Variants in PNLIP observed in about 807,000 individuals in gnomAD.
PNLIP encodes pancreatic lipase.
A neutral mutation model predicts 57.1 loss-of-function variants in PNLIP; 49 were observed. The observed-to-expected ratio is 0.86, with a 90% CI of 0.68 to 1.09. PNLIP has a LOEUF of 1.09. PNLIP is among the 50% of genes least tolerant of loss of function. PNLIP has a pLI of 0.00. For missense variants in PNLIP, 503 were observed against 570.2 expected, an observed-to-expected ratio of 0.88 and a Z score of 1.20; for synonymous variants, 209 against 200.4, an observed-to-expected ratio of 1.04 and a Z score of -0.36.
rs369658373 is a variant in PNLIP, at chr10:116,552,030, C to T, written c.459+798C>T. Among the ~76,000 whole-genome samples, 34 of 152,252 alleles carry T rather than the reference C, an allele frequency of 2.2e-4. No individual in the cohort carries two copies. The East Asian group carries it at 3.3e-3, about 15-fold the overall frequency. On this transcript the variant is annotated intron_variant, in intron 5 of 12. Transcript: ENST00000369221. ...TAAAAAATTCCTATTGCCTTGTGAC[C>T]TATAGCTATCATGATACCACAGCAC...
At chr10:116,550,132 C>T (rs1847175273) in intron 4 of PNLIP, among the ~76,000 whole-genome samples, 2 of 142,756 alleles carry the variant, frequency 1.4e-5, no homozygotes, top group Admixed American at 1.5e-4. Flanking sequence ...GATCTTGGCT[C>T]ACTGCAAGCT....
At chr10:116,554,852 T>C (rs907120003) in intron 6 of PNLIP, among the ~76,000 whole-genome samples, 1 of 152,170 alleles carries the variant, frequency 6.6e-6, no homozygotes, top group Admixed American at 6.5e-5. Context: ...CCAAGGTCCT[T>C]GCCCTTGTGG....
At chr10:116,563,263 C>A (rs1847332894) in intron 12 of PNLIP, among the ~76,000 whole-genome samples, 1 of 151,920 alleles carries the variant, frequency 6.6e-6, no homozygotes, top group Non-Finnish European at 1.5e-5. Context: ...ATTATATGTA[C>A]CAGTTGAGCA....
chr10:116,554,134 T>C (rs1847226349), intron 6 of PNLIP, among the ~76,000 whole-genome samples: 1 of 152,150 alleles, frequency 6.6e-6, no homozygotes, highest in Admixed American at 6.5e-5. Context: ...GATACCAATC[T>C]TTGGTCTACA....
In PNLIP at chr10:116,554,894, C is replaced by T. The variant is rs115691929; in HGVS notation, c.572-284C>T. 2.8e-3 allele frequency among the ~76,000 whole-genome samples: 426 copies of T among 152,220 alleles called. 2 individuals carry two copies. The highest frequency in any genetic ancestry group is 9.7e-3 in the African/African-American group (404 of 41,540). ...ACAGTCTAATGGGGACTATTTTAAC[C>T]CTGCGTGGTTTTTAGTCCAGTGTGT... On this transcript the variant is annotated intron_variant, in intron 6 of 12. Transcript: ENST00000369221.
intron 2 of PNLIP, among the ~76,000 whole-genome samples, chr10:116,546,579 C>T (rs1847127843): frequency 2.0e-5 from 3 of 152,092 alleles, no homozygotes; most frequent in Admixed American, 1.3e-4. Context: ...TGGGGAGAGT[C>T]GGATTCCCCA....
At chr10:116,554,691 G>T (rs1177806961) in intron 6 of PNLIP, among the ~76,000 whole-genome samples, 2 of 152,100 alleles carry the variant, frequency 1.3e-5, no homozygotes, top group Non-Finnish European at 2.9e-5. Context: ...TTTGGACTTG[G>T]GATAATCTGG....
chr10:116,553,476 G>A (rs1412810015), intron 5 of PNLIP, among the ~76,000 whole-genome samples: 8 of 152,130 alleles, frequency 5.3e-5, no homozygotes, highest in Non-Finnish European at 1.0e-4. Flanking sequence ...AACTAGTTAC[G>A]TTGTGTTCCA....
In PNLIP at chr10:116,551,218, G is replaced by A; in HGVS notation, c.445G>A (p.Val149Ile). ...RIVGAEVAYF[V>I]EFLQSAFGYS... ...CGTGGGAGCAGAAGTGGCATATTTTGTTGAATTTCTTCAGGTAATTACTCC... is the reference window on the plus strand; with the variant it reads ...CGTGGGAGCAGAAGTGGCATATTTTATTGAATTTCTTCAGGTAATTACTCC... The change falls in exon 5 of 13, where the codon GTT becomes ATT. Residue 149 changes from valine to isoleucine, a missense_variant. By Grantham distance (29) the Val-to-Ile change is conservative. Coordinates refer to ENST00000369221, the MANE Select transcript of PNLIP (RefSeq NM_000936.4). 1.3e-6 allele frequency: 2 copies of A among 1,574,140 alleles called. No homozygotes were observed. The highest frequency in any genetic ancestry group is 2.3e-5 in the South Asian group (2 of 88,588).
In PNLIP at chr10:116,553,848, A is replaced by G. The variant is rs368039172; in HGVS notation, c.571+10A>G. Reference sequence around the variant, plus strand: ...ATTGGACGCATCACAGGTTGGTGAAAACAGTGAAAGATACCAGGGGGGTTG... The same window carrying G: ...ATTGGACGCATCACAGGTTGGTGAAGACAGTGAAAGATACCAGGGGGGTTG... On this transcript the variant is annotated intron_variant, in intron 6 of 12. Coordinates refer to ENST00000369221, the MANE Select transcript of PNLIP (RefSeq NM_000936.4). 3.1e-4 allele frequency: 479 copies of G among 1,560,548 alleles called. 2 individuals carry two copies. Among genetic ancestry groups the G allele is most frequent in the Non-Finnish European group, 6.7e-5 (76 of 1,134,992 alleles).
chr10:116,545,980 C>A, intron 1 of PNLIP, 22 bp downstream of exon 1: 1 of 885,590 alleles, frequency 1.1e-6, no homozygotes, highest in South Asian at 1.4e-5. Flanking sequence ...ACATGTTTTC[C>A]AGGCCTAATT....
At chr10:116,553,889 T>G in intron 6 of PNLIP, 51 bp downstream of exon 6, 8 of 1,107,066 alleles carry the variant, frequency 7.2e-6, no homozygotes, top group Non-Finnish European at 1.1e-5. Context: ...AGATGATCTC[T>G]TGAGGCCAGC....
rs776620804 is a variant in PNLIP at position 116,555,295 on chromosome 10, T to G, written c.689T>G (p.Leu230Trp). The G allele has an allele frequency of 3.7e-6, 6 of 1,614,108 alleles. No homozygotes were observed. The highest frequency in any genetic ancestry group is 5.1e-6 in the Non-Finnish European group (6 of 1,180,052). ...GATGGTGCCCCCATAGTCCCCAATT[T>G]GGGTGAGTTCCTCAACCCGTCCCCC... ...HTDGAPIVPN[L>W]GFGMSQVVGH... The change falls in exon 7 of 13, where the codon TTG becomes TGG. Residue 230 changes from leucine to tryptophan, a missense_variant and splice_region_variant. Coordinates refer to ENST00000369221, the MANE Select transcript of PNLIP (RefSeq NM_000936.4).
intron 10 of PNLIP, among the ~76,000 whole-genome samples, chr10:116,559,860 C>T (rs902021397): frequency 2.0e-5 from 3 of 152,178 alleles, no homozygotes; most frequent in Non-Finnish European, 4.4e-5. Flanking sequence ...CCAATTTGCT[C>T]TGCCTATCTC....
At chr10:116,557,309 A>G (rs1847262999) in intron 9 of PNLIP, among the ~76,000 whole-genome samples, 1 of 152,202 alleles carries the variant, frequency 6.6e-6, no homozygotes, top group South Asian at 2.1e-4. Flanking sequence ...GATACTCATC[A>G]CTTGTATAAG....
chr10:116,559,382 TA>T (rs1465670744), intron 10 of PNLIP, 99 bp downstream of exon 10: 1 of 864,534 alleles, frequency 1.2e-6, no homozygotes, highest in Non-Finnish European at 1.8e-6. Context: ...ACAAAAGCTT[TA>T]AACACCCCCT....
intron 4 of PNLIP, 53 bp downstream of exon 4, chr10:116,548,535 A>T: frequency 6.3e-7 from 1 of 1,592,752 alleles, no homozygotes; most frequent in Admixed American, 1.7e-5. Context: ...GGTAATTAAC[A>T]AACGGTAAGG....
At chr10:116,563,395 A>G (rs1421992528) in intron 12 of PNLIP, among the ~76,000 whole-genome samples, 6 of 152,172 alleles carry the variant, frequency 3.9e-5, no homozygotes, top group Non-Finnish European at 8.8e-5. Flanking sequence ...TATTTTTAAT[A>G]TATTTTATTT....
intron 10 of PNLIP, 55 bp from the exon 11 acceptor site, chr10:116,560,361 G>C: frequency 1.2e-6 from 1 of 867,642 alleles, no homozygotes; most frequent in Non-Finnish European, 1.9e-6. Flanking sequence ...AAATTAACTT[G>C]TTTTTAGTGT....
Sources: gnomAD v4.1 joint callset for allele counts (sites outside exome capture counted in the v4.1 genomes callset) on GRCh38, gnomAD v4.1.1 for gene constraint, MANE v1.5 for transcripts, NCBI Gene and HGNC (gene_info 2026-07-23, HGNC 2026-07-21) for gene names.